Variants in GRIK2 observed in about 807,000 individuals in gnomAD.
GRIK2 encodes the protein glutamate receptor ionotropic, kainate 2.
GRIK2 carries 32 observed loss-of-function variants against 100.3 expected under a neutral mutation model. That is an observed-to-expected ratio of 0.32 (90% CI 0.24 to 0.43). GRIK2 has a LOEUF of 0.43. GRIK2 is among the 20% of genes least tolerant of loss of function. The pLI is 1.00. For synonymous variants in GRIK2, 417 were observed against 389.4 expected, an observed-to-expected ratio of 1.07 and a Z score of -0.83; for missense variants, 843 against 1,114.9, an observed-to-expected ratio of 0.76 and a Z score of 3.47.
chr6:101,875,465 G>A (rs1377411836), intron 11 of GRIK2, among the ~76,000 whole-genome samples: 7 of 151,636 alleles, frequency 4.6e-5, no homozygotes, highest in African/African-American at 1.7e-4. Context: ...AGCCAAAACA[G>A]AAATGTCTCA....
chr6:101,605,160 T>G (rs1490447166), intron 2 of GRIK2, among the ~76,000 whole-genome samples: 1 of 152,016 alleles, frequency 6.6e-6, no homozygotes, highest in Non-Finnish European at 1.5e-5. Flanking sequence ...AGGAAAGGCT[T>G]GATGCTTATG....
Position 101,399,160 on chromosome 6 carries a change from G to T in GRIK2, c.-118G>T. On this transcript the variant is annotated 5_prime_UTR_variant, in exon 2 of 17. It removes an upstream start codon present in the reference 5' UTR. Transcript: ENST00000369134. Reference sequence around the variant, plus strand: ...AGCGGAGACTCCTTCCTCTCTCTATGACCATGCCGTGATCGTGTCTGCGGT... The same window carrying T: ...AGCGGAGACTCCTTCCTCTCTCTATTACCATGCCGTGATCGTGTCTGCGGT... 1.4e-6 allele frequency: 1 copy of T among 692,584 alleles called. No homozygotes were observed. Among genetic ancestry groups the T allele is most frequent in the South Asian group, 1.6e-5 (1 of 61,558 alleles). The allele number at this position is 692,584 out of a possible 1,614,324, so 42.9% of individuals were successfully genotyped here.
intron 14 of GRIK2, among the ~76,000 whole-genome samples, chr6:101,986,134 G>A (rs567468696): frequency 4.6e-5 from 7 of 151,770 alleles, no homozygotes; most frequent in South Asian, 2.1e-4. Flanking sequence ...AGATGCACTC[G>A]TGATGTGATT....
intron 2 of GRIK2, among the ~76,000 whole-genome samples, chr6:101,531,749 A>G (rs946295975): frequency 1.3e-5 from 2 of 151,874 alleles, no homozygotes; most frequent in Non-Finnish European, 2.9e-5. Context: ...ATCTTGGTTA[A>G]TAGCACCATT....
intron 2 of GRIK2, among the ~76,000 whole-genome samples, chr6:101,606,289 A>G (rs1779433603): frequency 6.6e-6 from 1 of 151,966 alleles, no homozygotes; most frequent in South Asian, 2.1e-4. Flanking sequence ...TTAATTTTAA[A>G]CGTGTCGTTT....
At chr6:101,845,675 C>T (rs1783765839) in intron 10 of GRIK2, among the ~76,000 whole-genome samples, 1 of 152,028 alleles carries the variant, frequency 6.6e-6, no homozygotes, top group African/African-American at 2.4e-5. Context: ...GGGTATATAC[C>T]TAAGAATAGC....
chr6:101,512,059 T>C (rs201253569), intron 2 of GRIK2, among the ~76,000 whole-genome samples: 1 of 34,722 alleles, frequency 2.9e-5, no homozygotes, highest in Admixed American at 3.2e-4. Context: ...GATACATACA[T>C]ATATATATAT....
At chr6:101,542,463 A>G (rs975458347) in intron 2 of GRIK2, among the ~76,000 whole-genome samples, 1 of 125,508 alleles carries the variant, frequency 8.0e-6, no homozygotes, top group Admixed American at 8.9e-5. Context: ...AGGCGTATTT[A>G]AAGAATGGTC....
chr6:101,742,305 A>G (rs1284618468), intron 7 of GRIK2, among the ~76,000 whole-genome samples: 1 of 152,142 alleles, frequency 6.6e-6, no homozygotes, highest in Non-Finnish European at 1.5e-5. Context: ...ACAGGTCTCA[A>G]ATCTGCCTCC....
intron 11 of GRIK2, among the ~76,000 whole-genome samples, chr6:101,877,052 A>G (rs1470207383): frequency 6.6e-6 from 1 of 151,890 alleles, no homozygotes; most frequent in African/African-American, 2.4e-5. Context: ...TTCCCTCTAT[A>G]CAAATTATGG....
intron 2 of GRIK2, among the ~76,000 whole-genome samples, chr6:101,497,345 A>G (rs540186233): frequency 6.6e-6 from 1 of 152,348 alleles, no homozygotes; most frequent in East Asian, 1.9e-4. Flanking sequence ...TGTGTTTAAT[A>G]CGTGCCATAG....
At chr6:101,780,378 C>T (rs184257140) in intron 7 of GRIK2, among the ~76,000 whole-genome samples, 10 of 152,108 alleles carry the variant, frequency 6.6e-5, no homozygotes, top group African/African-American at 2.4e-4. Flanking sequence ...TTGCCCGAAT[C>T]TTATTTCTGC....
At chr6:102,031,447 A>T (rs372760344) in intron 14 of GRIK2, among the ~76,000 whole-genome samples, 45 of 81,364 alleles carry the variant, frequency 5.5e-4, no homozygotes, top group African/African-American at 4.1e-3. Context: ...TTACTTATTT[A>T]TTTTTATTTT....
chr6:101,904,522 A>G (rs1330905538), intron 12 of GRIK2, among the ~76,000 whole-genome samples: 1 of 151,456 alleles, frequency 6.6e-6, no homozygotes, highest in African/African-American at 2.4e-5. Flanking sequence ...ACAACCTGTT[A>G]TTATTTATTA....
intron 2 of GRIK2, among the ~76,000 whole-genome samples, chr6:101,559,737 C>A (rs1186355802): frequency 6.6e-6 from 1 of 152,050 alleles, no homozygotes; most frequent in Non-Finnish European, 1.5e-5. Flanking sequence ...GAGTCTCTTT[C>A]CCTTTTCCAC....
At chr6:101,406,806 A>T (rs1775619993) in intron 2 of GRIK2, among the ~76,000 whole-genome samples, 1 of 152,194 alleles carries the variant, frequency 6.6e-6, no homozygotes, top group South Asian at 2.1e-4. Flanking sequence ...GTATTAATCC[A>T]AATCTTTTAG....
At chr6:101,558,531 G>A (rs1048755086) in intron 2 of GRIK2, among the ~76,000 whole-genome samples, 2 of 152,082 alleles carry the variant, frequency 1.3e-5, no homozygotes, top group African/African-American at 2.4e-5. Context: ...CAAGTACAGC[G>A]TGTTTTGGAA....
intron 7 of GRIK2, among the ~76,000 whole-genome samples, chr6:101,768,606 T>C (rs977076269): frequency 4.6e-5 from 7 of 152,228 alleles, no homozygotes; most frequent in Non-Finnish European, 1.0e-4. Flanking sequence ...CATTGTATTA[T>C]GTTAATATGA....
chr6:101,439,366 A>G (rs1182769546), intron 2 of GRIK2, among the ~76,000 whole-genome samples: 2 of 152,132 alleles, frequency 1.3e-5, no homozygotes. Context: ...GCATAGTTGC[A>G]ACAGCCATGT....
Sources: gnomAD v4.1 joint callset for allele counts (sites outside exome capture counted in the v4.1 genomes callset) on GRCh38, gnomAD v4.1.1 for gene constraint, MANE v1.5 for transcripts, NCBI Gene and HGNC (gene_info 2026-07-23, HGNC 2026-07-21) for gene names.